The following CTNNA3 variants were observed in gnomAD, a reference collection of about 807,000 sequenced individuals.
The protein encoded by CTNNA3 is catenin alpha-3.
A neutral mutation model predicts 95.7 loss-of-function variants in CTNNA3; 76 were observed. The ratio of observed to expected loss-of-function variants is 0.79; its 90% confidence interval spans 0.66 to 0.96. The LOEUF (loss-of-function observed/expected upper bound fraction) is 0.96. Ranked by LOEUF, CTNNA3 falls within the 40% of genes least tolerant of loss-of-function variation. The probability of loss-of-function intolerance (pLI) is 0.00; values close to 1 mark genes in which losing one functional copy is unlikely to be tolerated. For missense variants in CTNNA3, 1,191 were observed against 1,089.8 expected (o/e 1.09, Z -1.31); for synonymous variants, 431 against 374.4 (o/e 1.15, Z -1.74).
intron 16 of CTNNA3, among the ~76,000 whole-genome samples, chr10:65,977,138 T>C (rs2078222056): frequency 6.6e-6 from 1 of 152,330 alleles, no homozygotes; most frequent in South Asian, 2.1e-4. Flanking sequence ...AAAATAACTT[T>C]TAAAAGAATA....
At chr10:65,965,364 G>A (rs2077935111) in intron 17 of CTNNA3, among the ~76,000 whole-genome samples, 1 of 142,558 alleles carries the variant, frequency 7.0e-6, no homozygotes, top group Non-Finnish European at 1.5e-5. Flanking sequence ...GCAAGACATA[G>A]ACAGTCACTA....
intron 11 of CTNNA3, among the ~76,000 whole-genome samples, chr10:66,487,270 C>T (rs1306812344): frequency 7.7e-6 from 1 of 130,502 alleles, no homozygotes; most frequent in Admixed American, 8.8e-5. Context: ...GGCGCGATCT[C>T]GGCTCACTGC....
At chr10:66,226,357 G>A (rs760774555) in intron 13 of CTNNA3, among the ~76,000 whole-genome samples, 5 of 152,036 alleles carry the variant, frequency 3.3e-5, no homozygotes, top group Admixed American at 6.6e-5. Flanking sequence ...AAATCAATTG[G>A]CTATACATAC....
intron 9 of CTNNA3, among the ~76,000 whole-genome samples, chr10:66,737,815 C>G (rs549542207): frequency 5.9e-5 from 9 of 152,188 alleles, no homozygotes; most frequent in African/African-American, 2.2e-4. Context: ...TGTGCCACCA[C>G]ACCTAGCTAA....
intron 6 of CTNNA3, among the ~76,000 whole-genome samples, chr10:67,184,973 T>A (rs1316499651): frequency 6.6e-6 from 1 of 152,194 alleles, no homozygotes; most frequent in Non-Finnish European, 1.5e-5. Flanking sequence ...CATAGTTTTT[T>A]ATAATACACA....
intron 17 of CTNNA3, among the ~76,000 whole-genome samples, chr10:65,922,975 C>A (rs745533787): frequency 6.6e-6 from 1 of 152,028 alleles, no homozygotes; most frequent in Non-Finnish European, 1.5e-5. Flanking sequence ...ATAAAACCAT[C>A]GATCTCATGA....
At chr10:67,468,202 C>T (rs996064805) in intron 5 of CTNNA3, among the ~76,000 whole-genome samples, 2 of 151,868 alleles carry the variant, frequency 1.3e-5, no homozygotes, top group Admixed American at 1.3e-4. Flanking sequence ...TTCTGATAGG[C>T]CCCAGTATGT....
At chr10:66,214,576 C>G (rs1020653482) in intron 13 of CTNNA3, among the ~76,000 whole-genome samples, 4 of 151,906 alleles carry the variant, frequency 2.6e-5, no homozygotes, top group Middle Eastern at 3.2e-3. Context: ...TTGGTTAGAG[C>G]AGCTTCTGAT....
chr10:66,368,342 T>A (rs961206643), intron 12 of CTNNA3, among the ~76,000 whole-genome samples: 1 of 151,976 alleles, frequency 6.6e-6, no homozygotes, highest in Admixed American at 6.6e-5. Flanking sequence ...TGTGCACAGT[T>A]TAGATAGAGG....
At chr10:67,457,381 A>T (rs1004942678) in intron 5 of CTNNA3, among the ~76,000 whole-genome samples, 3 of 152,212 alleles carry the variant, frequency 2.0e-5, no homozygotes, top group Non-Finnish European at 4.4e-5. Flanking sequence ...GTGGAAGGCC[A>T]CACACTAAAT....
At chr10:67,009,563 G>A (rs1383146717) in intron 7 of CTNNA3, among the ~76,000 whole-genome samples, 1 of 151,660 alleles carries the variant, frequency 6.6e-6, no homozygotes, top group Non-Finnish European at 1.5e-5. Flanking sequence ...ATCATATCTA[G>A]TATAATTTCC....
intron 5 of CTNNA3, among the ~76,000 whole-genome samples, chr10:67,512,948 G>T (rs1478713215): frequency 3.9e-5 from 6 of 152,110 alleles, no homozygotes; most frequent in Non-Finnish European, 8.8e-5. Flanking sequence ...TCGCGTCACT[G>T]ACTCCAGCCT....
chr10:66,691,708 C>T (rs1211704764), intron 9 of CTNNA3, among the ~76,000 whole-genome samples: 1 of 152,166 alleles, frequency 6.6e-6, no homozygotes, highest in African/African-American at 2.4e-5. Context: ...AGGGAGGCAT[C>T]CCCCAGTAGA....
rs143066935 is a variant in CTNNA3, at chr10:66,296,572, T to TATACACAC, written c.1733-15952_1733-15951insGTGTGTAT. On this transcript the variant is annotated intron_variant, in intron 12 of 17. Transcript: ENST00000433211. ...GTGTGCATGCGTGTGTGTATATATATACACACACACACAGATCTATATATC... is the reference window on the plus strand; with the variant it reads ...GTGTGCATGCGTGTGTGTATATATATATACACACACACACACACACAGATCTATATATC... Among the ~76,000 whole-genome samples the TATACACAC allele has an allele frequency of 1.8e-3, 276 of 150,014 alleles. 2 individuals carry two copies. The highest frequency in any genetic ancestry group is 6.5e-3 in the African/African-American group (266 of 40,778).
At chr10:67,266,661 G>C (rs770849790) in intron 5 of CTNNA3, among the ~76,000 whole-genome samples, 2 of 152,148 alleles carry the variant, frequency 1.3e-5, no homozygotes, top group Non-Finnish European at 2.9e-5. Flanking sequence ...GTGGAGATGA[G>C]TAACTCAGAA....
intron 7 of CTNNA3, among the ~76,000 whole-genome samples, chr10:67,121,035 C>G (rs76275956): frequency 6.6e-6 from 1 of 152,044 alleles, no homozygotes; most frequent in Admixed American, 6.6e-5. Context: ...TTTTACCACA[C>G]CAATGATATT....
intron 10 of CTNNA3, among the ~76,000 whole-genome samples, chr10:66,553,550 G>A (rs1352817351): frequency 7.6e-5 from 8 of 105,358 alleles, no homozygotes; most frequent in African/African-American, 2.2e-4. Flanking sequence ...TTTTTGAGGC[G>A]GAGTCTTGCT....
At chr10:66,023,956 T>TGACTATTCAG (rs372727024) in intron 15 of CTNNA3, among the ~76,000 whole-genome samples, 6 of 152,320 alleles carry the variant, frequency 3.9e-5, no homozygotes, top group African/African-American at 1.4e-4. Context: ...AAGTTTATGG[T>TGACTATTCAG]GACTATTCAG....
chr10:66,850,953 G>A (rs962908334), intron 7 of CTNNA3, among the ~76,000 whole-genome samples: 1 of 152,016 alleles, frequency 6.6e-6, no homozygotes, highest in African/African-American at 2.4e-5. Flanking sequence ...GGCCATTTCA[G>A]GGATTTTAAA....
Sources: allele counts gnomAD v4.1 joint callset (sites outside exome capture counted in the v4.1 genomes callset), GRCh38; gene constraint gnomAD v4.1.1; transcripts MANE v1.5; gene names NCBI Gene and HGNC (gene_info 2026-07-23, HGNC 2026-07-21).